The following TMEM114 variants were observed in gnomAD, a reference collection of about 807,000 sequenced individuals.
The protein encoded by TMEM114 is transmembrane protein 114.
Under a neutral mutation model 6.2 loss-of-function variants are expected in TMEM114, and 6 were observed. The ratio of observed to expected loss-of-function variants is 0.97; its 90% confidence interval spans 0.53 to 1.91. The LOEUF is 1.91. Ranked by LOEUF, TMEM114 falls within the 40% of genes most tolerant of loss-of-function variation. TMEM114 has a pLI of 0.01. For synonymous variants in TMEM114, 104 were observed against 73.0 expected (o/e 1.42, Z -2.16); for missense variants, 218 against 158.3 (o/e 1.38, Z -2.02).
downstream of TMEM114, among the ~76,000 whole-genome samples, chr16:8,568,075 G>C (rs916797554): frequency 2.6e-5 from 4 of 152,160 alleles, no homozygotes; most frequent in African/African-American, 9.7e-5. Flanking sequence ...AGGCAGTTCT[G>C]AAGTTTACTC....
At chr16:8,540,470 A>G (rs1012163148) in intron 2 of TMEM114, among the ~76,000 whole-genome samples, 4 of 152,224 alleles carry the variant, frequency 2.6e-5, no homozygotes, top group African/African-American at 9.6e-5. Flanking sequence ...ATGCAAGTAA[A>G]ATAGCTGGTA....
downstream of TMEM114, among the ~76,000 whole-genome samples, chr16:8,567,115 G>C (rs1029281364): frequency 1.3e-5 from 2 of 151,004 alleles, no homozygotes; most frequent in Admixed American, 6.6e-5. Flanking sequence ...CACCATGTTG[G>C]CCAGGCTAGT....
At chr16:8,548,466 C>G (rs1900741464) in intron 2 of TMEM114, among the ~76,000 whole-genome samples, 1 of 152,052 alleles carries the variant, frequency 6.6e-6, no homozygotes, top group African/African-American at 2.4e-5. Context: ...CCTGATGAGT[C>G]TTTTAAACTT....
intron 2 of TMEM114, among the ~76,000 whole-genome samples, chr16:8,560,065 C>G (rs891122085): frequency 1.3e-5 from 2 of 152,208 alleles, no homozygotes; most frequent in African/African-American, 4.8e-5. Flanking sequence ...GGTGCCATCA[C>G]AGCTCACTGC....
intron 2 of TMEM114, among the ~76,000 whole-genome samples, chr16:8,555,401 C>T (rs1900977683): frequency 6.6e-6 from 1 of 152,162 alleles, no homozygotes; most frequent in South Asian, 2.1e-4. Flanking sequence ...CGTCTTTATA[C>T]CCACTTTTAA....
chr16:8,544,767 C>T (rs1045391015), intron 2 of TMEM114, among the ~76,000 whole-genome samples: 1 of 152,130 alleles, frequency 6.6e-6, no homozygotes, highest in Non-Finnish European at 1.5e-5. Flanking sequence ...TTCAGTGATG[C>T]GTTTAAATTA....
Position 8,590,114 on chromosome 16 carries a change from A to G in TMEM114, c.-276T>C. On this transcript the variant is annotated 5_prime_UTR_variant, in exon 1 of 4. Transcript: ENST00000620492. The stretch of plus-strand genomic sequence containing the variant: ...TCTACCTGCAGACCCCCTCACTCTC[A>G]CTTGTGCTGTCCGACCTCCACCTCC... The G allele has an allele frequency of 3.0e-6, 1 of 337,542 alleles. No homozygotes were observed. The highest frequency in any genetic ancestry group is 5.3e-6 in the Non-Finnish European group (1 of 188,956). The allele number at this position is 337,542 out of a possible 1,614,324, so 20.9% of individuals were successfully genotyped here.
downstream of TMEM114, among the ~76,000 whole-genome samples, chr16:8,565,983 C>G (rs57449994): frequency 0.16 from 24,235 of 152,130 alleles, 2,254 homozygotes; most frequent in Non-Finnish European, 0.21. Context: ...GAGGAGAGGA[C>G]AAGACAGAAT....
At chr16:8,587,806 G>T (rs1902361316) in intron 2 of TMEM114, among the ~76,000 whole-genome samples, 2 of 152,180 alleles carry the variant, frequency 1.3e-5, no homozygotes, top group Admixed American at 1.3e-4. Context: ...CCGTGCCACT[G>T]CATTCCAGCC....
At chr16:8,535,159 T>G (rs7498800), downstream of TMEM114, among the ~76,000 whole-genome samples, 1 of 151,936 alleles carries the variant, frequency 6.6e-6, no homozygotes, top group Non-Finnish European at 1.5e-5. Flanking sequence ...AACAGGGGCA[T>G]ATATTGGAAC....
chr16:8,546,180 C>T (rs1301342160), intron 2 of TMEM114, among the ~76,000 whole-genome samples: 1 of 152,176 alleles, frequency 6.6e-6, no homozygotes, highest in African/African-American at 2.4e-5. Context: ...TTCATAAATA[C>T]ATACAATCCT....
At chr16:8,556,294 G>A (rs1901007319) in intron 2 of TMEM114, among the ~76,000 whole-genome samples, 3 of 152,132 alleles carry the variant, frequency 2.0e-5, no homozygotes, top group Admixed American at 2.0e-4. Context: ...TCAAGCTATA[G>A]ACAGAGATCC....
downstream of TMEM114, among the ~76,000 whole-genome samples, chr16:8,534,218 G>A (rs552872062): frequency 2.0e-5 from 3 of 152,348 alleles, no homozygotes; most frequent in Non-Finnish European, 2.9e-5. Flanking sequence ...GGGTAAGGAT[G>A]TGCCGGACAA....
chr16:8,537,163 T>A (rs574333945), downstream of TMEM114, among the ~76,000 whole-genome samples: 1 of 151,916 alleles, frequency 6.6e-6, no homozygotes, highest in African/African-American at 2.4e-5. Flanking sequence ...TGTGATTGCA[T>A]CACTGCAGTC....
downstream of TMEM114, among the ~76,000 whole-genome samples, chr16:8,533,266 AT>A (rs1900266695): frequency 6.6e-6 from 1 of 152,238 alleles, no homozygotes; most frequent in South Asian, 2.1e-4. Flanking sequence ...ATCCTCAGAC[AT>A]TTGATAGAAC....
At chr16:8,584,536 G>T (rs182062985) in intron 2 of TMEM114, among the ~76,000 whole-genome samples, 61 of 152,280 alleles carry the variant, frequency 4.0e-4, no homozygotes, top group African/African-American at 1.3e-3. Flanking sequence ...GGATGTACCT[G>T]TTTAAGGACC....
downstream of TMEM114, among the ~76,000 whole-genome samples, chr16:8,535,622 T>C (rs1900332975): frequency 6.6e-6 from 1 of 152,144 alleles, no homozygotes; most frequent in Admixed American, 6.5e-5. Flanking sequence ...GGAAAAAGGA[T>C]TTCCAAACTG....
In TMEM114 at chr16:8,569,569, C is replaced by G. The variant is rs562886837; in HGVS notation, c.*204G>C. 7.0e-7 allele frequency: 1 copy of G among 1,419,944 alleles called. No homozygotes were observed. The highest frequency in any genetic ancestry group is 9.2e-7 in the Non-Finnish European group (1 of 1,090,244). The allele number at this position is 1,419,944 out of a possible 1,614,324, so 88.0% of individuals were successfully genotyped here. ...CTCCCTCGGGCTCCTCCAGGCCACACGGACACACACGGACATAAGCACACA... is the reference window on the plus strand; with the variant it reads ...CTCCCTCGGGCTCCTCCAGGCCACAGGGACACACACGGACATAAGCACACA... On this transcript the variant is annotated 3_prime_UTR_variant, in exon 4 of 4. Transcript: ENST00000620492.
chr16:8,566,565 A>T (rs1427580276), downstream of TMEM114, among the ~76,000 whole-genome samples: 1 of 152,186 alleles, frequency 6.6e-6, no homozygotes, highest in Non-Finnish European at 1.5e-5. Flanking sequence ...AGAACAGAAC[A>T]GAACAGAATG....
Sources: allele counts gnomAD v4.1 joint callset (sites outside exome capture counted in the v4.1 genomes callset), GRCh38; gene constraint gnomAD v4.1.1; transcripts MANE v1.5; gene names NCBI Gene and HGNC (gene_info 2026-07-23, HGNC 2026-07-21).